The following TOM1 variants were observed in gnomAD, a reference collection of about 807,000 sequenced individuals.
The protein encoded by TOM1 is target of myb1 membrane trafficking protein.
Under a neutral mutation model 61.3 loss-of-function variants are expected in TOM1, and 38 were observed. The ratio of observed to expected loss-of-function variants is 0.62; its 90% CI spans 0.48 to 0.81. The LOEUF is 0.81. Among genes scored for constraint, TOM1 ranks in the 40% least tolerant of loss-of-function variants. The probability of loss-of-function intolerance (pLI) is 0.00; values close to 1 mark genes in which losing one functional copy is unlikely to be tolerated. For synonymous variants in TOM1, 270 were observed against 268.8 expected (o/e 1.00, Z -0.04); for missense variants, 591 against 659.6 (o/e 0.90, Z 1.14).
intron 1 of TOM1, among the ~76,000 whole-genome samples, chr22:35,305,992 A>C (rs1262998732): frequency 6.6e-6 from 1 of 152,220 alleles, no homozygotes; most frequent in Non-Finnish European, 1.5e-5. Flanking sequence ...CTCTGCTGCA[A>C]CTACCCAGTT....
chr22:35,323,179 T>G lies in TOM1; in HGVS notation c.366+2T>G. ...GACAAAGTGCTCAACCTCATCCAGG[T>G]GAGTGCCAGGACAGGGCAGGGCACG... On this transcript the variant is annotated splice_donor_variant, in intron 4 of 14. Transcript: ENST00000449058. LOFTEE classifies it high-confidence loss of function. This position sits in a 1 kb window ranked among gnomAD's most constrained non-coding sequence, Gnocchi z 4.2. 6.2e-7 allele frequency: 1 copy of G among 1,613,556 alleles called. No individual in the cohort carries two copies. Among genetic ancestry groups the G allele is most frequent in the Non-Finnish European group, 8.5e-7 (1 of 1,180,020 alleles).
chr22:35,323,256 C>T lies in TOM1; in HGVS notation c.366+79C>T. 6.4e-7 allele frequency: 1 copy of T among 1,552,234 alleles called. No individual in the cohort carries two copies. ...CTTCCTGCCCAGTGGAGAGTCGAGG[C>T]CATCGTGTTTGTCCCAGGCTCCGCT... is the stretch of plus-strand genomic sequence containing the variant. On this transcript the variant is annotated intron_variant, in intron 4 of 14. Transcript: ENST00000449058. The surrounding 1 kb of genome is among the most constrained non-coding windows in gnomAD (Gnocchi z 4.2).
chr22:35,313,772 C>T (rs762913), intron 1 of TOM1, among the ~76,000 whole-genome samples: 2,820 of 152,300 alleles, frequency 0.019, 85 homozygotes, highest in African/African-American at 0.063. Context: ...GCTGTAAGGA[C>T]GCACAGGTGC....
At chr22:35,308,787 C>A (rs1309887593) in intron 1 of TOM1, among the ~76,000 whole-genome samples, 1 of 152,188 alleles carries the variant, frequency 6.6e-6, no homozygotes, top group Non-Finnish European at 1.5e-5. Flanking sequence ...ATCTCACTGA[C>A]ATTTCCTTTT....
Position 35,334,357 on chromosome 22 carries a change from C to T in TOM1, c.1057C>T (p.Leu353=). The change falls in exon 11 of 15, where the codon CTG becomes TTG. Residue 353 remains leucine (L), a synonymous_variant. Transcript: ENST00000449058. ...NLGSSSVRAG[L]QSLEASGRLE... Reference sequence around the variant, plus strand: ...GGGCTCCAGCAGTGTGAGAGCTGGCCTGCAGTCTCTGGAGGCCTCTGGTCG... The same window carrying T: ...GGGCTCCAGCAGTGTGAGAGCTGGCTTGCAGTCTCTGGAGGCCTCTGGTCG... The T allele has an allele frequency of 6.2e-7, 1 of 1,614,146 alleles. No individual in the cohort carries two copies. Among genetic ancestry groups the T allele is most frequent in the Non-Finnish European group, 8.5e-7 (1 of 1,179,992 alleles).
chr22:35,310,788 G>A (rs1926752833), intron 1 of TOM1, among the ~76,000 whole-genome samples: 1 of 152,196 alleles, frequency 6.6e-6, no homozygotes. Flanking sequence ...CCATTTGTGA[G>A]CTATAACCGC....
At chr22:35,334,517 T>C in intron 11 of TOM1, 69 bp downstream of exon 11, 2 of 1,579,336 alleles carry the variant, frequency 1.3e-6, no homozygotes, top group Non-Finnish European at 1.7e-6. Context: ...AACCCGGTTT[T>C]ATGGTGGCAC....
rs34371697 is a variant in TOM1 at position 35,330,371 on chromosome 22, A to G, written c.790A>G (p.Met264Val). Residue 264 changes from methionine to valine, a missense_variant, in exon 8 of 15, where the codon ATG becomes GTG. By Grantham distance (21) the Met-to-Val change is conservative. Coordinates refer to ENST00000449058, the MANE Select transcript of TOM1 (RefSeq NM_005488.3). ...GGAGCTCAACCGCACGTGCCGAGCC[A>G]TGCAGCAGCGGGTCCTGGAGCTCAT... ...LQELNRTCRA[M>V]QQRVLELIPQ... 1.1e-3 allele frequency: 1,736 copies of G among 1,613,028 alleles called. 5 individuals are homozygous for G. The highest frequency in any genetic ancestry group is 1.4e-3 in the Non-Finnish European group (1,630 of 1,179,728).
Position 35,299,897 on chromosome 22 carries a change from T to A in TOM1, c.-32T>A. On this transcript the variant is annotated 5_prime_UTR_variant, in exon 1 of 15. Coordinates refer to ENST00000449058, the MANE Select transcript of TOM1 (RefSeq NM_005488.3). The stretch of plus-strand genomic sequence containing the variant: ...GCGCTGGCGGTTGCTGTCAGCTGAT[T>A]CCCGGGGTTGGTGGCAGCGGCGGTA... 6.4e-7 allele frequency: 1 copy of A among 1,571,166 alleles called. No homozygotes were observed. The highest frequency in any genetic ancestry group is 8.6e-7 in the Non-Finnish European group (1 of 1,156,738).
At chr22:35,315,986 G>T (rs535445863) in intron 1 of TOM1, among the ~76,000 whole-genome samples, 7 of 152,264 alleles carry the variant, frequency 4.6e-5, no homozygotes, top group African/African-American at 1.7e-4. Context: ...GGGCACAGCC[G>T]TGAGGAGAGA....
At chr22:35,343,694 C>T (rs1329689444) in intron 12 of TOM1, among the ~76,000 whole-genome samples, 33 of 145,426 alleles carry the variant, frequency 2.3e-4, no homozygotes, top group Non-Finnish European at 4.7e-4. Flanking sequence ...CACCTACACA[C>T]TCATACACCT....
At chr22:35,333,085 C>T in intron 9 of TOM1, 71 bp downstream of exon 9, 1 of 1,512,138 alleles carries the variant, frequency 6.6e-7, no homozygotes, top group African/African-American at 1.4e-5. Flanking sequence ...TCTCACCTCC[C>T]TCCCCTAGTA....
intron 12 of TOM1, 193 bp from the exon 13 acceptor site, chr22:35,345,532 T>TG: frequency 3.2e-6 from 2 of 617,822 alleles, no homozygotes; most frequent in Non-Finnish European, 5.8e-6. Flanking sequence ...CCTGGTCCCC[T>TG]GCTTAGTCTC....
At chr22:35,334,100 C>CT (rs1929075319) in intron 10 of TOM1, among the ~76,000 whole-genome samples, 2 of 152,214 alleles carry the variant, frequency 1.3e-5, no homozygotes, top group Non-Finnish European at 2.9e-5. Context: ...TGACTGTTCT[C>CT]TAACGCTCAC....
At chr22:35,299,713 CCCG>C, upstream of TOM1, 12 of 589,498 alleles carry the variant, frequency 2.0e-5, no homozygotes, top group Admixed American at 3.1e-5. Context: ...GTGTGTGACG[CCCG>C]CCGCCGCCGA....
At chr22:35,330,973 A>G (rs565958438) in intron 8 of TOM1, among the ~76,000 whole-genome samples, 1 of 152,354 alleles carries the variant, frequency 6.6e-6, no homozygotes, top group East Asian at 1.9e-4. Context: ...ACAGAACAAG[A>G]AAGATGGATC....
rs756190773 is a variant in TOM1 at position 35,317,976 on chromosome 22, A to G, written c.137+15A>G. ...ACGGAGGAAGGGTAAGGGCCCCCCAAGGAGAGGTTGGGGGCAGAGACGGCC... is the reference window on the plus strand; with the variant it reads ...ACGGAGGAAGGGTAAGGGCCCCCCAGGGAGAGGTTGGGGGCAGAGACGGCC... On this transcript the variant is annotated intron_variant, in intron 2 of 14. Transcript: ENST00000449058. 8 of 1,608,844 alleles carry G rather than the reference A, an allele frequency of 5.0e-6. No homozygotes were observed. Among genetic ancestry groups the G allele is most frequent in the Non-Finnish European group, 6.0e-6 (7 of 1,175,250 alleles).
intron 2 of TOM1, among the ~76,000 whole-genome samples, chr22:35,319,151 A>G (rs2083118103): frequency 6.6e-6 from 1 of 152,128 alleles, no homozygotes; most frequent in Non-Finnish European, 1.5e-5. Context: ...GGAGGCAGAA[A>G]ACCTCACCAA....
In TOM1 at chr22:35,345,731, G is replaced by A. The variant is rs756558197; in HGVS notation, c.1231G>A (p.Val411Ile). 6.2e-7 allele frequency: 1 copy of A among 1,614,148 alleles called. No homozygotes were observed. The highest frequency in any genetic ancestry group is 8.5e-7 in the Non-Finnish European group (1 of 1,180,016). ...ARQQSTGAIP[V>I]TQACLMEDIE... The stretch of plus-strand genomic sequence containing the variant: ...CCTCTGCCCTTCCTTCCAGATCCCA[G>A]TCACCCAGGCCTGCCTCATGGAGGA... Residue 411 changes from valine to isoleucine, a missense_variant, in exon 13 of 15, where the codon GTC (valine) becomes ATC (isoleucine). Transcript: ENST00000449058.
Sources: gnomAD v4.1 joint callset for allele counts (sites outside exome capture counted in the v4.1 genomes callset) on GRCh38, gnomAD v4.1.1 for gene constraint, Gnocchi (gnomAD v3.1) non-coding constraint, MANE v1.5 for transcripts, NCBI Gene and HGNC (gene_info 2026-07-23, HGNC 2026-07-21) for gene names.